ENTREP3: variants seen among roughly 807,000 people sequenced by gnomAD.
ENTREP3 encodes the protein endosomal transmembrane epsin interactor 3.
the ENTREP3 span, chr1:155,253,440 G>A: frequency 1.7e-6 from 1 of 588,628 alleles, no homozygotes; most frequent in Non-Finnish European, 3.0e-6. Flanking sequence ...CTCACTCCCT[G>A]CCATCTCCCC....
the ENTREP3 span, chr1:155,251,722 C>T: frequency 6.2e-7 from 1 of 1,612,750 alleles, no homozygotes; most frequent in South Asian, 1.1e-5. Context: ...CAAGACCCCA[C>T]CAGGCCTTAC....
chr1:155,255,145 A>C, the ENTREP3 span: 1 of 569,542 alleles, frequency 1.8e-6, no homozygotes, highest in East Asian at 3.0e-5. This position sits in a 1 kb window ranked among gnomAD's most constrained non-coding sequence, Gnocchi z 5.6. Context: ...ACGCGGGGGC[A>C]CCGGCTCATC....
the ENTREP3 span, chr1:155,253,639 C>T: frequency 1.2e-6 from 2 of 1,613,304 alleles, no homozygotes; most frequent in African/African-American, 1.3e-5. Flanking sequence ...TGCACGAGGT[C>T]CAGGGAGAAG....
the ENTREP3 span, chr1:155,251,065 C>T: frequency 6.3e-6 from 10 of 1,597,564 alleles, no homozygotes; most frequent in Non-Finnish European, 7.7e-6. Context: ...CAGCCCCGCC[C>T]TTGTCCACCC....
the ENTREP3 span, chr1:155,248,133 C>A: frequency 1.9e-6 from 3 of 1,614,006 alleles, no homozygotes; most frequent in Non-Finnish European, 2.5e-6. Context: ...AGGCCCCGAC[C>A]TGGCCAGCTG....
At chr1:155,248,238 G>T in the ENTREP3 span, 2 of 1,604,140 alleles carry the variant, frequency 1.2e-6, no homozygotes, top group African/African-American at 1.3e-5. Flanking sequence ...TCGGCTGACC[G>T]GGCACGTAGC....
the ENTREP3 span, chr1:155,255,155 C>T: frequency 1.8e-6 from 1 of 563,056 alleles, no homozygotes; most frequent in South Asian, 2.1e-5. The surrounding 1 kb of genome is among the most constrained non-coding windows in gnomAD (Gnocchi z 5.6). Context: ...ACCGGCTCAT[C>T]GCATCTCCCT....
At chr1:155,251,679 C>T in the ENTREP3 span, 1 of 1,606,836 alleles carries the variant, frequency 6.2e-7, no homozygotes, top group Non-Finnish European at 8.5e-7. Flanking sequence ...GCAATCCAGG[C>T]CCAGCCCCAG....
chr1:155,247,440 C>T, the ENTREP3 span: 6 of 576,134 alleles, frequency 1.0e-5, no homozygotes, highest in East Asian at 4.0e-5. Flanking sequence ...TACTTAAACA[C>T]CTGGGCCATG....
At chr1:155,247,432 C>A in the ENTREP3 span, 1 of 561,556 alleles carries the variant, frequency 1.8e-6, no homozygotes, top group African/African-American at 1.8e-5. Flanking sequence ...TCACCCTGTA[C>A]TTAAACACCT....
At chr1:155,251,640 T>C in the ENTREP3 span, 1 of 1,605,882 alleles carries the variant, frequency 6.2e-7, no homozygotes, top group South Asian at 1.1e-5. Flanking sequence ...GGAGAAATAA[T>C]TCCCCCTCCA....
At chr1:155,250,209 A>C in the ENTREP3 span, 1 of 1,404,346 alleles carries the variant, frequency 7.1e-7, no homozygotes, top group African/African-American at 1.5e-5. The surrounding 1 kb of genome is among the most constrained non-coding windows in gnomAD (Gnocchi z 5.4). Context: ...CCTGGTGGGC[A>C]TCACTGGCCA....
the ENTREP3 span, chr1:155,250,576 A>C: frequency 3.0e-5 from 48 of 1,601,514 alleles, no homozygotes; most frequent in Non-Finnish European, 3.7e-5. This position sits in a 1 kb window ranked among gnomAD's most constrained non-coding sequence, Gnocchi z 5.4. Context: ...GGGGCAGAGC[A>C]GGAATAGGAG....
chr1:155,251,588 C>T, the ENTREP3 span: 3 of 1,613,862 alleles, frequency 1.9e-6, no homozygotes, highest in Non-Finnish European at 2.5e-6. Flanking sequence ...TCCATGGAGC[C>T]ATTGTACGTG....
the ENTREP3 span, chr1:155,250,404 C>T: frequency 9.8e-6 from 9 of 919,242 alleles, no homozygotes; most frequent in East Asian, 4.8e-5. This position sits in a 1 kb window ranked among gnomAD's most constrained non-coding sequence, Gnocchi z 5.4. Context: ...GCTGAAGCGA[C>T]GAGTCGGGGC....
the ENTREP3 span, chr1:155,250,957 C>T: frequency 1.6e-6 from 2 of 1,248,922 alleles, no homozygotes; most frequent in Non-Finnish European, 2.2e-6. This position sits in a 1 kb window ranked among gnomAD's most constrained non-coding sequence, Gnocchi z 5.4. Flanking sequence ...AAAATAAGTC[C>T]AGGGTTCCAA....
At chr1:155,252,712 ATATATATATATTTTTTTTT>A in the ENTREP3 span, 3 of 50,148 alleles carry the variant, frequency 6.0e-5, no homozygotes, top group African/African-American at 3.3e-4. Context: ...ATATATATAT[ATATATATATATTTTTTTTT>A]TTTTTTTTTT....
the ENTREP3 span, chr1:155,252,077 C>T: frequency 4.0e-6 from 2 of 503,850 alleles, no homozygotes. Context: ...CCCACGCTCA[C>T]CCTGTACCTC....
the ENTREP3 span, chr1:155,251,975 C>G: frequency 9.3e-6 from 10 of 1,079,500 alleles, 1 homozygote; most frequent in Middle Eastern, 2.1e-4. Flanking sequence ...CCCCCAAACT[C>G]CTCTCTCATC....
Sources: gnomAD v4.1 joint callset for allele counts on GRCh38, gnomAD v4.1.1 for gene constraint, Gnocchi (gnomAD v3.1) non-coding constraint, MANE v1.5 for transcripts, NCBI Gene and HGNC (gene_info 2026-07-23, HGNC 2026-07-21) for gene names.